Variants in ARHGAP15 observed in about 807,000 individuals in gnomAD.
The protein encoded by ARHGAP15 is rho GTPase-activating protein 15.
ARHGAP15 carries 51 observed loss-of-function variants against 63.7 expected under a neutral mutation model. The ratio of observed to expected loss-of-function variants is 0.80; its 90% CI spans 0.64 to 1.01. ARHGAP15 has a LOEUF of 1.01. Among genes scored for constraint, ARHGAP15 ranks in the 50% least tolerant of loss-of-function variants. The pLI is 0.00. For missense variants in ARHGAP15, 560 were observed against 564.6 expected, an observed-to-expected ratio of 0.99 and a Z score of 0.08; for synonymous variants, 191 against 193.8, an observed-to-expected ratio of 0.99 and a Z score of 0.12.
At chr2:143,163,832 T>C (rs1203117691) in intron 2 of ARHGAP15, among the ~76,000 whole-genome samples, 2 of 152,034 alleles carry the variant, frequency 1.3e-5, no homozygotes. Flanking sequence ...GCTATAAAAT[T>C]TGTGTGTCTA....
At chr2:143,315,274 A>G (rs1465770082) in intron 6 of ARHGAP15, among the ~76,000 whole-genome samples, 2 of 152,202 alleles carry the variant, frequency 1.3e-5, no homozygotes, top group African/African-American at 4.8e-5. Context: ...TACATATAAC[A>G]TTACGGTACT....
At chr2:143,732,910 GTTTTTT>G (rs35876339) in intron 13 of ARHGAP15, among the ~76,000 whole-genome samples, 2 of 122,014 alleles carry the variant, frequency 1.6e-5, no homozygotes, top group Non-Finnish European at 3.3e-5. Flanking sequence ...TTGTTTTTGG[GTTTTTT>G]TTTTTTTTTT....
At chr2:143,651,562 G>A (rs974340605) in intron 12 of ARHGAP15, among the ~76,000 whole-genome samples, 6 of 151,890 alleles carry the variant, frequency 4.0e-5, no homozygotes, top group East Asian at 3.9e-4. Context: ...ATGAACATAC[G>A]CTTTCATTTC....
chr2:143,442,532 G>A (rs1285919744), intron 8 of ARHGAP15, among the ~76,000 whole-genome samples: 1 of 152,130 alleles, frequency 6.6e-6, no homozygotes, highest in East Asian at 1.9e-4. Flanking sequence ...GTGGCAGGGA[G>A]GGAATTTAAA....
At chr2:143,469,628 C>G (rs558700610) in intron 8 of ARHGAP15, among the ~76,000 whole-genome samples, 1 of 152,250 alleles carries the variant, frequency 6.6e-6, no homozygotes, top group South Asian at 2.1e-4. Flanking sequence ...GCATTTGAAA[C>G]GTGGCTAGAC....
intron 6 of ARHGAP15, among the ~76,000 whole-genome samples, chr2:143,375,160 A>G (rs1347265061): frequency 6.6e-6 from 1 of 152,224 alleles, no homozygotes; most frequent in Non-Finnish European, 1.5e-5. Context: ...ATTTTTAAAA[A>G]GCAAATGTTT....
chr2:143,374,617 C>T (rs1485451271), intron 6 of ARHGAP15, among the ~76,000 whole-genome samples: 1 of 152,100 alleles, frequency 6.6e-6, no homozygotes, highest in Non-Finnish European at 1.5e-5. Context: ...ATTCTCCTGC[C>T]TCAGCCCCCT....
intron 9 of ARHGAP15, among the ~76,000 whole-genome samples, chr2:143,516,210 T>A (rs1693812319): frequency 1.3e-5 from 2 of 152,244 alleles, no homozygotes; most frequent in Admixed American, 1.3e-4. Flanking sequence ...TTGGTTGTTA[T>A]ATTACCAGAG....
chr2:143,254,662 T>C (rs1158282409), intron 6 of ARHGAP15, among the ~76,000 whole-genome samples: 1 of 152,132 alleles, frequency 6.6e-6, no homozygotes, highest in African/African-American at 2.4e-5. Flanking sequence ...TTCCGTGTCA[T>C]TAAATTTAGT....
At chr2:143,536,453 A>G (rs1694767110) in intron 10 of ARHGAP15, among the ~76,000 whole-genome samples, 1 of 151,498 alleles carries the variant, frequency 6.6e-6, no homozygotes, top group South Asian at 2.1e-4. Context: ...TACATGTGCC[A>G]TGTTGGGGTG....
intron 3 of ARHGAP15, among the ~76,000 whole-genome samples, chr2:143,210,550 C>A (rs972595913): frequency 1.3e-5 from 2 of 151,924 alleles, no homozygotes; most frequent in Admixed American, 6.6e-5. Flanking sequence ...CTTTGCCAAA[C>A]CTAATATTTG....
chr2:143,637,179 A>C (rs752886836), intron 12 of ARHGAP15, among the ~76,000 whole-genome samples: 10 of 152,126 alleles, frequency 6.6e-5, no homozygotes. Flanking sequence ...TTTGGGACAC[A>C]TTCAGTGAAT....
intron 8 of ARHGAP15, among the ~76,000 whole-genome samples, chr2:143,452,328 C>T (rs1027084968): frequency 2.0e-5 from 3 of 151,902 alleles, no homozygotes; most frequent in Non-Finnish European, 4.4e-5. Context: ...TGTGTAGGCT[C>T]ATCTTCCCCT....
At chr2:143,479,386 A>T in intron 8 of ARHGAP15, among the ~76,000 whole-genome samples, 1 of 151,646 alleles carries the variant, frequency 6.6e-6, no homozygotes. Context: ...TTTATATTTA[A>T]GGCTCTTCTC....
chr2:143,565,101 G>T (rs1014728620), intron 11 of ARHGAP15, among the ~76,000 whole-genome samples: 4 of 151,944 alleles, frequency 2.6e-5, no homozygotes, highest in African/African-American at 9.7e-5. Context: ...ATAACTCTTA[G>T]GCCACAAAAT....
At chr2:143,133,319 A>T (rs1170645909) in intron 1 of ARHGAP15, among the ~76,000 whole-genome samples, 6 of 152,212 alleles carry the variant, frequency 3.9e-5, no homozygotes, top group Non-Finnish European at 8.8e-5. Flanking sequence ...AAGTATAGTA[A>T]TAAGAGGTAG....
chr2:143,546,867 CACTT>C (rs1305583502), intron 10 of ARHGAP15, among the ~76,000 whole-genome samples: 2 of 152,068 alleles, frequency 1.3e-5, no homozygotes, highest in African/African-American at 4.8e-5. Flanking sequence ...CAACAGCTCT[CACTT>C]AATGATAACC....
chr2:143,468,336 A>G (rs991143831), intron 8 of ARHGAP15, among the ~76,000 whole-genome samples: 1 of 151,942 alleles, frequency 6.6e-6, no homozygotes, highest in African/African-American at 2.4e-5. Flanking sequence ...TCTGATGACT[A>G]TTTTCAATAA....
chr2:143,546,755 G>T (rs78172729), intron 10 of ARHGAP15, among the ~76,000 whole-genome samples: 3 of 152,088 alleles, frequency 2.0e-5, no homozygotes, highest in African/African-American at 7.2e-5. Flanking sequence ...CAGCGTAACA[G>T]TAGAACTACA....
Sources: gnomAD v4.1 joint callset for allele counts (sites outside exome capture counted in the v4.1 genomes callset) on GRCh38, gnomAD v4.1.1 for gene constraint, MANE v1.5 for transcripts, NCBI Gene and HGNC (gene_info 2026-07-23, HGNC 2026-07-21) for gene names.